The following VAV2 variants were observed in gnomAD, a reference collection of about 807,000 sequenced individuals.
VAV2 encodes the protein vav guanine nucleotide exchange factor 2, also known as guanine nucleotide exchange factor VAV2.
Under a neutral mutation model 132.5 loss-of-function variants are expected in VAV2, and 67 were observed. That is an observed-to-expected ratio of 0.51 (90% CI 0.42 to 0.62). VAV2 has a LOEUF of 0.62. VAV2 is among the 20% of genes least tolerant of loss of function. The pLI is 0.00. For synonymous variants in VAV2, 492 were observed against 443.5 expected, an observed-to-expected ratio of 1.11 and a Z score of -1.37; for missense variants, 938 against 1,153.6, an observed-to-expected ratio of 0.81 and a Z score of 2.71.
chr9:133,893,335 A>C (rs1564442846), intron 2 of VAV2, among the ~76,000 whole-genome samples: 1 of 152,164 alleles, frequency 6.6e-6, no homozygotes, highest in Non-Finnish European at 1.5e-5. Flanking sequence ...AGAAGGAAGG[A>C]GGCTCGGGTG....
chr9:133,908,628 C>A (rs1839763228), intron 2 of VAV2, among the ~76,000 whole-genome samples: 1 of 152,224 alleles, frequency 6.6e-6, no homozygotes, highest in Admixed American at 6.5e-5. Flanking sequence ...AGTCTGGAAT[C>A]TTTGAACCTA....
intron 2 of VAV2, among the ~76,000 whole-genome samples, chr9:133,908,993 A>T (rs1256981812): frequency 6.6e-6 from 1 of 152,238 alleles, no homozygotes; most frequent in Non-Finnish European, 1.5e-5. Context: ...ACCCACGAGG[A>T]ATGATTGGGA....
intron 2 of VAV2, among the ~76,000 whole-genome samples, chr9:133,865,942 G>C (rs1837781001): frequency 6.6e-6 from 1 of 152,252 alleles, no homozygotes; most frequent in East Asian, 1.9e-4. Context: ...AAAGCAGGGT[G>C]TATCCTGCCA....
rs1026122205 is a variant in VAV2 at position 133,772,065 on chromosome 9, C to T, written c.2136-19G>A. On this transcript the variant is annotated intron_variant, in intron 25 of 29. Coordinates refer to ENST00000371850, the MANE Select transcript of VAV2 (RefSeq NM_001134398.2). ...ATTGAACCTGAGCAAACACACGGCCCCGGCGGTCACCGCGTGAGGGCCACA... is the reference window on the plus strand; with the variant it reads ...ATTGAACCTGAGCAAACACACGGCCTCGGCGGTCACCGCGTGAGGGCCACA... 3 of 1,609,766 alleles carry T rather than the reference C, an allele frequency of 1.9e-6. No homozygotes were observed. Among genetic ancestry groups the T allele is most frequent in the Non-Finnish European group, 2.6e-6 (3 of 1,176,218 alleles).
chr9:133,938,833 C>T (rs1410637578), intron 2 of VAV2, among the ~76,000 whole-genome samples: 1 of 152,220 alleles, frequency 6.6e-6, no homozygotes, highest in African/African-American at 2.4e-5. Flanking sequence ...TCTTCCCCCA[C>T]CCGCCTGAAT....
chr9:133,792,736 C>T (rs984207620), intron 12 of VAV2, among the ~76,000 whole-genome samples: 24 of 144,516 alleles, frequency 1.7e-4, no homozygotes, highest in African/African-American at 6.2e-4. Context: ...GACCTTCTTC[C>T]TCCATCCTGC....
rs1840948339 is a variant in VAV2, at chr9:133,937,349, A to G, written c.321+1754T>C. On this transcript the variant is annotated intron_variant, in intron 2 of 29. Coordinates refer to ENST00000371850, the MANE Select transcript of VAV2 (RefSeq NM_001134398.2). Reference sequence around the variant, plus strand: ...GGGTGTGAACATGGAAGACGGGTTCAAGTGTGTGTATGTGTGTTTGTGTGT... The same window carrying G: ...GGGTGTGAACATGGAAGACGGGTTCGAGTGTGTGTATGTGTGTTTGTGTGT... Among the ~76,000 whole-genome samples, 5 of 150,664 alleles carry G rather than the reference A, an allele frequency of 3.3e-5. No individual in the cohort carries two copies. In the Admixed American group the frequency reaches 3.3e-4, roughly 10 times the overall value.
Position 133,977,212 on chromosome 9 carries a change from G to A in VAV2, c.204+14863C>T, listed in dbSNP as rs115212557. 3.6e-3 allele frequency among the ~76,000 whole-genome samples: 550 copies of A among 152,326 alleles called. 2 individuals are homozygous for A. Among genetic ancestry groups the A allele is most frequent in the African/African-American group, 0.012 (508 of 41,576 alleles). On this transcript the variant is annotated intron_variant, in intron 1 of 29. Coordinates refer to ENST00000371850, the MANE Select transcript of VAV2 (RefSeq NM_001134398.2). ...CCCCCAGCATCCCACGAGGACCTCC[G>A]GCATCCAATGGGTGCCTGGTGTCCA...
At chr9:133,962,644 G>C (rs926454560) in intron 1 of VAV2, among the ~76,000 whole-genome samples, 10 of 152,220 alleles carry the variant, frequency 6.6e-5, no homozygotes, top group African/African-American at 2.4e-4. Context: ...AAAGCTCCCG[G>C]TGCTGGGACT....
intron 9 of VAV2, among the ~76,000 whole-genome samples, chr9:133,798,837 G>C (rs1834822665): frequency 6.6e-6 from 1 of 152,246 alleles, no homozygotes; most frequent in Non-Finnish European, 1.5e-5. Flanking sequence ...GAACTTGCTA[G>C]GAGCTGACAG....
intron 3 of VAV2, among the ~76,000 whole-genome samples, chr9:133,843,363 GTTTGGGTTTT>G (rs1836801786): frequency 6.6e-6 from 1 of 152,150 alleles, no homozygotes; most frequent in Non-Finnish European, 1.5e-5. Context: ...CTCTGACTTT[GTTTGGGTTTT>G]TTTGGTATTT....
intron 2 of VAV2, among the ~76,000 whole-genome samples, chr9:133,934,567 C>T (rs1183695589): frequency 1.3e-5 from 2 of 152,256 alleles, no homozygotes; most frequent in African/African-American, 4.8e-5. Context: ...TCTCCCTCTC[C>T]TGGAGCTGGG....
chr9:133,936,534 T>G (rs1368990287), intron 2 of VAV2, among the ~76,000 whole-genome samples: 1 of 152,014 alleles, frequency 6.6e-6, no homozygotes, highest in East Asian at 1.9e-4. Flanking sequence ...TGAGCCACCA[T>G]GCCCGACCCA....
At chr9:133,829,787 C>T (rs147501734) in intron 4 of VAV2, among the ~76,000 whole-genome samples, 3 of 152,250 alleles carry the variant, frequency 2.0e-5, no homozygotes, top group African/African-American at 7.2e-5. Flanking sequence ...CCACTATGCC[C>T]AGCCTATAAA....
In VAV2 at chr9:133,863,414, G is replaced by A. The variant is rs183089348; in HGVS notation, c.322-1982C>T. Among the ~76,000 whole-genome samples the A allele has an allele frequency of 2.7e-3, 374 of 139,114 alleles. 4 individuals carry two copies. The highest frequency in any genetic ancestry group is 0.011 in the African/African-American group (355 of 31,456). 91.3% of individuals were successfully genotyped at this position (139,114 alleles called of 152,430 possible). A position where few individuals can be genotyped will look rare whatever the true frequency, so the allele number is the denominator to read the frequency against. ...GGAGTCAGCGCAAAGGCCCCAGGTCGGGTCGTACAGATGGAACCGGGTCGT... is the reference window on the plus strand; with the variant it reads ...GGAGTCAGCGCAAAGGCCCCAGGTCAGGTCGTACAGATGGAACCGGGTCGT... On this transcript the variant is annotated intron_variant, in intron 2 of 29. Transcript: ENST00000371850. The surrounding 1 kb of genome is among the most constrained non-coding windows in gnomAD (Gnocchi z 5.0).
chr9:133,779,312 C>G (rs1218767296), intron 21 of VAV2, among the ~76,000 whole-genome samples: 2 of 152,240 alleles, frequency 1.3e-5, no homozygotes. Context: ...CTGGCTGTGC[C>G]TCCAGGGAAT....
chr9:133,786,054 G>A (rs1834208304), intron 16 of VAV2, 169 bp from the exon 17 acceptor site: 1 of 693,202 alleles, frequency 1.4e-6, no homozygotes, highest in South Asian at 1.5e-5. Flanking sequence ...CTGCTCTCTT[G>A]CCCATGCTGT....
At chr9:133,866,304 A>T (rs1198206449) in intron 2 of VAV2, among the ~76,000 whole-genome samples, 4 of 152,296 alleles carry the variant, frequency 2.6e-5, no homozygotes, top group South Asian at 4.1e-4. Flanking sequence ...GAGGGATTCT[A>T]CGTGTTGGGG....
At chr9:133,900,725 G>A (rs892559593) in intron 2 of VAV2, among the ~76,000 whole-genome samples, 9 of 151,814 alleles carry the variant, frequency 5.9e-5, no homozygotes, top group African/African-American at 9.7e-5. Flanking sequence ...ATGTTCAATC[G>A]CCTTGCCTTT....
Sources: allele counts gnomAD v4.1 joint callset (sites outside exome capture counted in the v4.1 genomes callset), GRCh38; gene constraint gnomAD v4.1.1; non-coding constraint Gnocchi (gnomAD v3.1); transcripts MANE v1.5; gene names NCBI Gene and HGNC (gene_info 2026-07-23, HGNC 2026-07-21).